Variants in SETD3 observed in about 807,000 individuals in gnomAD.
SETD3 encodes actin-histidine N-methyltransferase.
In SETD3, 19 loss-of-function variants were observed where a neutral mutation model predicts 63.0. That is an observed-to-expected ratio of 0.30 (90% CI 0.21 to 0.44). The LOEUF is 0.44. Among genes scored for constraint, SETD3 ranks in the 20% least tolerant of loss-of-function variants. The pLI, the probability that SETD3 is intolerant of heterozygous loss-of-function variation, is 1.00. For missense variants in SETD3, 587 were observed against 728.5 expected, an observed-to-expected ratio of 0.81 and a Z score of 2.24; for synonymous variants, 286 against 264.1, an observed-to-expected ratio of 1.08 and a Z score of -0.80.
intron 6 of SETD3, among the ~76,000 whole-genome samples, chr14:99,423,517 T>G (rs1343500076): frequency 6.7e-6 from 1 of 149,086 alleles, no homozygotes; most frequent in African/African-American, 2.5e-5. Context: ...TCAGTTGATT[T>G]TTTTTAATTG....
At position 99,461,359 on chromosome 14, in the gene SETD3, T is replaced by G; in HGVS notation, c.197-19A>C. On this transcript the variant is annotated intron_variant, in intron 3 of 12. Coordinates refer to ENST00000331768, the MANE Select transcript of SETD3 (RefSeq NM_032233.3). Reference sequence around the variant, plus strand: ...GACAGACCTATATTAATCCACGTTTTAGAAAACAAGAGCTACTTTTAGGAC... The same window carrying G: ...GACAGACCTATATTAATCCACGTTTGAGAAAACAAGAGCTACTTTTAGGAC... 1.9e-6 allele frequency: 3 copies of G among 1,604,526 alleles called. No individual in the cohort carries two copies. Among genetic ancestry groups the G allele is most frequent in the Non-Finnish European group, 2.5e-6 (3 of 1,177,308 alleles).
At chr14:99,473,747 C>T (rs1227227484) in intron 1 of SETD3, among the ~76,000 whole-genome samples, 1 of 152,156 alleles carries the variant, frequency 6.6e-6, no homozygotes, top group Non-Finnish European at 1.5e-5. Flanking sequence ...TGCCGGCCAT[C>T]AGGATCAGAT....
chr14:99,459,442 G>A (rs1595250515), intron 4 of SETD3, among the ~76,000 whole-genome samples: 1 of 152,176 alleles, frequency 6.6e-6, no homozygotes, highest in Non-Finnish European at 1.5e-5. Flanking sequence ...AATCAAAAAA[G>A]GGACTTTCAA....
At position 99,399,072 on chromosome 14, in the gene SETD3, G is replaced by A; in HGVS notation, c.1392C>T (p.Ala464=). The change falls in exon 13 of 13, where the codon GCC becomes GCT. Residue 464 remains alanine, a synonymous_variant. Transcript: ENST00000331768. ...NHDLSVRAKM[A]IKLRLGEKEI... The stretch of plus-strand genomic sequence containing the variant: ...CTTTCTCACCTAAGCGCAATTTGAT[G>A]GCCATTTTTGCACGAACAGAAAGAT... 2 of 1,614,030 alleles carry A rather than the reference G, an allele frequency of 1.2e-6. No individual in the cohort carries two copies. Among genetic ancestry groups the A allele is most frequent in the Non-Finnish European group, 1.7e-6 (2 of 1,180,018 alleles).
Position 99,476,490 on chromosome 14 carries a change from A to T in SETD3, c.-9+4238T>A, listed in dbSNP as rs1189084731. ...CAAAAGAGCTTCCATCCAGTCCACC[A>T]TATCTGCAATGCCACATTTTTGTTG... On this transcript the variant is annotated intron_variant, in intron 1 of 12. Coordinates refer to ENST00000331768, the MANE Select transcript of SETD3 (RefSeq NM_032233.3). 2.6e-5 allele frequency among the ~76,000 whole-genome samples: 4 copies of T among 152,368 alleles called. No individual in the cohort carries two copies. In the East Asian group the frequency reaches 7.7e-4, roughly 29 times the overall value.
upstream of SETD3, among the ~76,000 whole-genome samples, chr14:99,484,217 T>C (rs1896426913): frequency 6.6e-6 from 1 of 152,250 alleles, no homozygotes; most frequent in Non-Finnish European, 1.5e-5. Context: ...TGCTGCTTGC[T>C]AGCTGTGAAT....
intron 8 of SETD3, among the ~76,000 whole-genome samples, chr14:99,409,381 A>G (rs1427249187): frequency 6.6e-6 from 1 of 152,134 alleles, no homozygotes; most frequent in African/African-American, 2.4e-5. Flanking sequence ...TGCCCAGGGG[A>G]GGGGAGCGGG....
chr14:99,436,277 G>C (rs986552808), intron 6 of SETD3, among the ~76,000 whole-genome samples: 2 of 152,126 alleles, frequency 1.3e-5, no homozygotes, highest in Non-Finnish European at 2.9e-5. Flanking sequence ...CCTTCCAAGT[G>C]ACTCCCGGGA....
chr14:99,451,255 T>G (rs986175322), intron 6 of SETD3, among the ~76,000 whole-genome samples: 1 of 152,202 alleles, frequency 6.6e-6, no homozygotes, highest in Non-Finnish European at 1.5e-5. Flanking sequence ...GCTAGTATTT[T>G]TCTAGGGTTA....
At chr14:99,399,268 G>C in intron 12 of SETD3, 143 bp from the exon 13 acceptor site, 3 of 633,208 alleles carry the variant, frequency 4.7e-6, no homozygotes, top group Non-Finnish European at 5.5e-6. Context: ...GCAGGTGGTC[G>C]CATGACCAGA....
At chr14:99,476,699 T>C (rs1056810765) in intron 1 of SETD3, among the ~76,000 whole-genome samples, 2 of 152,250 alleles carry the variant, frequency 1.3e-5, no homozygotes, top group Non-Finnish European at 2.9e-5. Flanking sequence ...ACTGCTGATA[T>C]TGAAAAGGCA....
At chr14:99,474,032 G>A (rs1385798551) in intron 1 of SETD3, among the ~76,000 whole-genome samples, 3 of 152,162 alleles carry the variant, frequency 2.0e-5, no homozygotes, top group African/African-American at 7.2e-5. Flanking sequence ...AATTAAAAGA[G>A]GAACTGGGCC....
At chr14:99,458,244 T>C in intron 6 of SETD3, 35 bp downstream of exon 6, 1 of 1,589,684 alleles carries the variant, frequency 6.3e-7, no homozygotes, top group Non-Finnish European at 8.6e-7. Flanking sequence ...CCCCACTCTG[T>C]GAAATATATA....
rs545074544 is a variant in SETD3, at chr14:99,422,078, T to C, written c.676-8144A>G. Reference sequence around the variant, plus strand: ...TTATTTCCCGCACCATCAGAAAGAATACCATGTTTAGCTGTTAAGTCTTCG... The same window carrying C: ...TTATTTCCCGCACCATCAGAAAGAACACCATGTTTAGCTGTTAAGTCTTCG... On this transcript the variant is annotated intron_variant, in intron 6 of 12. Transcript: ENST00000331768. Among the ~76,000 whole-genome samples, 375 of 152,322 alleles carry C rather than the reference T, an allele frequency of 2.5e-3. 2 individuals carry two copies. The highest frequency in any genetic ancestry group is 8.7e-3 in the African/African-American group (362 of 41,582).
rs115564109 is a variant in SETD3, at chr14:99,468,653, C to A, written c.-8-2840G>T. On this transcript the variant is annotated intron_variant, in intron 1 of 12. Coordinates refer to ENST00000331768, the MANE Select transcript of SETD3 (RefSeq NM_032233.3). Reference sequence around the variant, plus strand: ...CTCCTATCTCTGCCTCCCCGTTCACCCCTTGACTGTAATATTTTAGTCACT... The same window carrying A: ...CTCCTATCTCTGCCTCCCCGTTCACACCTTGACTGTAATATTTTAGTCACT... 4.3e-3 allele frequency among the ~76,000 whole-genome samples: 655 copies of A among 152,236 alleles called. 1 individual carries two copies. Among genetic ancestry groups the A allele is most frequent in the African/African-American group, 0.015 (619 of 41,504 alleles).
At chr14:99,462,527 A>G (rs1316851698) in intron 3 of SETD3, among the ~76,000 whole-genome samples, 1 of 152,166 alleles carries the variant, frequency 6.6e-6, no homozygotes, top group Admixed American at 6.6e-5. Context: ...CTTCCTATTC[A>G]CTCCTTGAGA....
chr14:99,406,839 T>C (rs149436099), intron 8 of SETD3, among the ~76,000 whole-genome samples: 57 of 152,318 alleles, frequency 3.7e-4, no homozygotes, highest in African/African-American at 1.3e-3. Context: ...AAAGAGACTA[T>C]ATAGATTGTC....
chr14:99,458,631 C>A (rs1382497313), intron 5 of SETD3, 96 bp from the exon 6 acceptor site: 3 of 1,426,076 alleles, frequency 2.1e-6, no homozygotes, highest in Non-Finnish European at 2.8e-6. Context: ...ACTAAAAGGT[C>A]TTGTAACATT....
At chr14:99,399,256 G>A in intron 12 of SETD3, 131 bp from the exon 13 acceptor site, 1 of 667,792 alleles carries the variant, frequency 1.5e-6, no homozygotes, top group Admixed American at 2.8e-5. Context: ...ACACTTGACT[G>A]GGCAGGTGGT....
Sources: gnomAD v4.1 joint callset for allele counts (sites outside exome capture counted in the v4.1 genomes callset) on GRCh38, gnomAD v4.1.1 for gene constraint, MANE v1.5 for transcripts, NCBI Gene and HGNC (gene_info 2026-07-23, HGNC 2026-07-21) for gene names.